P4HA2: variants seen among roughly 807,000 people sequenced by gnomAD.
P4HA2 encodes the protein prolyl 4-hydroxylase subunit alpha 2, also known as prolyl 4-hydroxylase subunit alpha-2.
Under a neutral mutation model 76.9 loss-of-function variants are expected in P4HA2, and 46 were observed. The observed-to-expected ratio is 0.60, with a 90% CI of 0.47 to 0.76. The LOEUF (loss-of-function observed/expected upper bound fraction) is 0.76. Among genes scored for constraint, P4HA2 ranks in the 30% least tolerant of loss-of-function variants. P4HA2 has a pLI of 0.00. For missense variants in P4HA2, 583 were observed against 669.4 expected (o/e 0.87, Z 1.42); for synonymous variants, 243 against 254.0 (o/e 0.96, Z 0.41).
chr5:132,220,070 G>A (rs945485531), intron 1 of P4HA2, among the ~76,000 whole-genome samples: 1 of 152,252 alleles, frequency 6.6e-6, no homozygotes, highest in African/African-American at 2.4e-5. Flanking sequence ...CTGCAGGGTA[G>A]GGCGTATTGT....
chr5:132,226,266 T>C (rs1185106137), intron 1 of P4HA2, among the ~76,000 whole-genome samples: 2 of 152,178 alleles, frequency 1.3e-5, no homozygotes, highest in Non-Finnish European at 2.9e-5. Context: ...CTCCACAAAG[T>C]CTGGGACATT....
chr5:132,202,814 T>C (rs1185352837), intron 10 of P4HA2: 1 of 152,218 alleles, frequency 6.6e-6, no homozygotes, highest in African/African-American at 2.4e-5. Flanking sequence ...GACAAGAACA[T>C]TCCACCTGCA....
At chr5:132,225,060 A>AC (rs1554077007) in intron 1 of P4HA2, among the ~76,000 whole-genome samples, 37 of 151,856 alleles carry the variant, frequency 2.4e-4, no homozygotes, top group Non-Finnish European at 3.4e-4. Context: ...AAAAAAAAAA[A>AC]AAAAAAAAAC....
rs563375055 is a variant in P4HA2, at chr5:132,190,963, A to C, written c.*2047T>G. On this transcript the variant is annotated 3_prime_UTR_variant, in exon 15 of 15. Coordinates refer to ENST00000360568, the MANE Select transcript of P4HA2 (RefSeq NM_001017974.2). ...TGTCTTAGGTAGAGCTGCTATAATA[A>C]AATACCATACATTGAATTAAAAACA... is the stretch of plus-strand genomic sequence containing the variant. Among the ~76,000 whole-genome samples, 2 of 152,366 alleles carry C rather than the reference A, an allele frequency of 1.3e-5. No individual in the cohort carries two copies. Among genetic ancestry groups the C allele is most frequent in the Admixed American group, 6.5e-5 (1 of 15,314 alleles).
intron 1 of P4HA2, among the ~76,000 whole-genome samples, chr5:132,223,905 C>T (rs940416043): frequency 6.6e-6 from 1 of 152,236 alleles, no homozygotes; most frequent in African/African-American, 2.4e-5. Flanking sequence ...CAGTCCTACT[C>T]AATAATCTGT....
intron 1 of P4HA2, among the ~76,000 whole-genome samples, chr5:132,226,354 C>T (rs1031806614): frequency 5.3e-5 from 8 of 152,238 alleles, no homozygotes; most frequent in Non-Finnish European, 8.8e-5. Context: ...AGGGCTGGGG[C>T]TGTGAGGCCC....
chr5:132,193,352 C>A, intron 14 of P4HA2: 2 of 272,630 alleles, frequency 7.3e-6, no homozygotes, highest in South Asian at 9.8e-5. Context: ...CTTTCATGCC[C>A]ATGACCTTTG....
In P4HA2 at chr5:132,210,527, C is replaced by G. The variant is rs370147850; in HGVS notation, c.470-4G>C. 23 of 1,613,790 alleles carry G rather than the reference C, an allele frequency of 1.4e-5. No homozygotes were observed. The highest frequency in any genetic ancestry group is 2.7e-5 in the African/African-American group (2 of 74,906). On this transcript the variant is annotated splice_region_variant and splice_polypyrimidine_tract_variant and intron_variant, in intron 5 of 14. Transcript: ENST00000360568. ...AGCATTGCCTGGTACTTGGTTCCTA[C>G]AGCAGGGGAAGTAAATTGTCAGGCT... is the stretch of plus-strand genomic sequence containing the variant.
intron 5 of P4HA2, among the ~76,000 whole-genome samples, chr5:132,212,070 G>A (rs888306990): frequency 6.6e-6 from 1 of 152,078 alleles, no homozygotes; most frequent in Admixed American, 6.5e-5. Context: ...GCTGAGTGCT[G>A]ATAGGCAATC....
At chr5:132,206,135 T>A (rs1752174903) in intron 8 of P4HA2, among the ~76,000 whole-genome samples, 1 of 152,108 alleles carries the variant, frequency 6.6e-6, no homozygotes, top group African/African-American at 2.4e-5. Flanking sequence ...TTCCTAACAC[T>A]ACCCTCTGGC....
At position 132,207,853 on chromosome 5, in the gene P4HA2, C is replaced by T; in HGVS notation, c.935G>A (p.Arg312Lys). The T allele has an allele frequency of 6.3e-7, 1 of 1,597,444 alleles. No individual in the cohort carries two copies. The highest frequency in any genetic ancestry group is 8.5e-7 in the Non-Finnish European group (1 of 1,172,328). Reference sequence around the variant, plus strand: ...TGGGGCCCTGTTGCCATGGTGGTACCTACAGAAAAGCCTCTTCTGTCTACG... The same window carrying T: ...TGGGGCCCTGTTGCCATGGTGGTACTTACAGAAAAGCCTCTTCTGTCTACG... ...TPRRQKRLFC[R>K]YHHGNRAPQL... Residue 312 changes from arginine to lysine, a missense_variant, in exon 8 of 15, where the codon AGG (arginine) becomes AAG (lysine). Coordinates refer to ENST00000360568, the MANE Select transcript of P4HA2 (RefSeq NM_001017974.2).
Position 132,191,981 on chromosome 5 carries a change from G to C in P4HA2, c.*1029C>G, listed in dbSNP as rs1749958375. The C allele has an allele frequency of 6.6e-6, 1 of 152,164 alleles. No homozygotes were observed. The highest frequency in any genetic ancestry group is 1.5e-5 in the Non-Finnish European group (1 of 68,028). The allele number at this position is 152,164 out of a possible 1,614,324, so 9.4% of individuals were successfully genotyped here. A position where few individuals can be genotyped will look rare whatever the true frequency, so the allele number is the denominator to read the frequency against. On this transcript the variant is annotated 3_prime_UTR_variant, in exon 15 of 15. Coordinates refer to ENST00000360568, the MANE Select transcript of P4HA2 (RefSeq NM_001017974.2). ...CAACACGGATGAATCTTAAAACAAT[G>C]TTGAACAAAAGAAGCCACATACCCA...
intron 1 of P4HA2, chr5:132,222,043 A>G (rs1044844813): frequency 6.6e-6 from 1 of 152,224 alleles, no homozygotes; most frequent in East Asian, 1.9e-4. Flanking sequence ...TTCTCTCCTT[A>G]CCTCATCAGG....
At chr5:132,217,093 C>A (rs922105730) in intron 4 of P4HA2, 104 bp downstream of exon 4, 10 of 1,080,072 alleles carry the variant, frequency 9.3e-6, no homozygotes, top group Admixed American at 2.2e-5. Flanking sequence ...CCACAATGTA[C>A]TTGCCCACCA....
rs560624453 is a variant in P4HA2, at chr5:132,212,665, G to T, written c.469+1251C>A. Among the ~76,000 whole-genome samples the T allele has an allele frequency of 2.2e-3, 329 of 152,318 alleles. 1 individual carries two copies. Among genetic ancestry groups the T allele is most frequent in the Non-Finnish European group, 3.2e-3 (221 of 68,010 alleles). Reference sequence around the variant, plus strand: ...GAGACAAGCCTTGGCAAGAAACACAGATCTGGATGTCATCCACCTCAGGTG... The same window carrying T: ...GAGACAAGCCTTGGCAAGAAACACATATCTGGATGTCATCCACCTCAGGTG... On this transcript the variant is annotated intron_variant, in intron 5 of 14. Coordinates refer to ENST00000360568, the MANE Select transcript of P4HA2 (RefSeq NM_001017974.2).
At chr5:132,217,715 G>T in intron 3 of P4HA2, 37 bp downstream of exon 3, 1 of 1,274,356 alleles carries the variant, frequency 7.8e-7, no homozygotes, top group Non-Finnish European at 1.1e-6. Context: ...CAGAAGGGAA[G>T]GAAGGCCAAC....
chr5:132,220,208 G>A (rs1435953356), intron 1 of P4HA2, among the ~76,000 whole-genome samples: 1 of 152,214 alleles, frequency 6.6e-6, no homozygotes, highest in Non-Finnish European at 1.5e-5. Flanking sequence ...TCTGCTCCAA[G>A]GCCTTACTAT....
At chr5:132,203,887 G>T (rs748718809) in intron 9 of P4HA2, 40 bp from the exon 10 acceptor site, 1 of 1,478,452 alleles carries the variant, frequency 6.8e-7, no homozygotes, top group Non-Finnish European at 9.5e-7. Context: ...AAGACGGAAG[G>T]GCAGGCTTCC....
At position 132,218,548 on chromosome 5, in the gene P4HA2, T is replaced by C. The variant is rs774673999; in HGVS notation, c.79A>G (p.Ile27Val). The part of the protein sequence containing the change: ...SCVQAEFFTS[I>V]GHMTDLIYAE... ...CGACAGTCCTGTTGGCACGTACCAATAGAGGTGAAGAATTCGGCCTGCACA... is the reference window on the plus strand; with the variant it reads ...CGACAGTCCTGTTGGCACGTACCAACAGAGGTGAAGAATTCGGCCTGCACA... The change falls in exon 2 of 15, where the codon ATT (isoleucine) becomes GTT (valine). Residue 27 changes from isoleucine (I) to valine (V), a missense_variant. Transcript: ENST00000360568. The C allele has an allele frequency of 8.1e-6, 13 of 1,608,206 alleles. No individual in the cohort carries two copies. The highest frequency in any genetic ancestry group is 2.2e-5 in the South Asian group (2 of 90,918).
Sources: gnomAD v4.1 joint callset for allele counts (sites outside exome capture counted in the v4.1 genomes callset) on GRCh38, gnomAD v4.1.1 for gene constraint, MANE v1.5 for transcripts, NCBI Gene and HGNC (gene_info 2026-07-23, HGNC 2026-07-21) for gene names.